KCND2: variants seen among roughly 807,000 people sequenced by gnomAD.
KCND2 encodes the protein A-type voltage-gated potassium channel KCND2.
In KCND2, 16 loss-of-function variants were observed where a neutral mutation model predicts 54.4. That is an observed-to-expected ratio of 0.29 (90% CI 0.20 to 0.45). The LOEUF (loss-of-function observed/expected upper bound fraction) is 0.45, where lower values mean the gene tolerates loss of function less well. Ranked by LOEUF, KCND2 falls within the 20% of genes least tolerant of loss-of-function variation. The probability of loss-of-function intolerance (pLI) is 1.00; values close to 1 mark genes in which losing one functional copy is unlikely to be tolerated. For missense variants in KCND2, 486 were observed against 824.2 expected (o/e 0.59, Z 5.02); for synonymous variants, 317 against 310.7 (o/e 1.02, Z -0.21).
chr7:120,617,493 A>C (rs911751564), intron 1 of KCND2, among the ~76,000 whole-genome samples: 3 of 152,186 alleles, frequency 2.0e-5, no homozygotes, highest in Non-Finnish European at 4.4e-5. Context: ...AAAATAACAG[A>C]TGTTGGAGAG....
At chr7:120,620,372 C>A (rs1322140216) in intron 1 of KCND2, among the ~76,000 whole-genome samples, 1 of 152,032 alleles carries the variant, frequency 6.6e-6, no homozygotes, top group East Asian at 1.9e-4. Flanking sequence ...TTATCTTGTT[C>A]ACTGCTATAT....
intron 1 of KCND2, among the ~76,000 whole-genome samples, chr7:120,678,655 TAC>T (rs1200530130): frequency 1.4e-5 from 2 of 145,304 alleles, no homozygotes; most frequent in African/African-American, 2.5e-5. Context: ...TATATACACA[TAC>T]ACACACATAT....
intron 1 of KCND2, among the ~76,000 whole-genome samples, chr7:120,552,630 C>T (rs574312054): frequency 6.6e-6 from 1 of 152,286 alleles, no homozygotes; most frequent in Admixed American, 6.5e-5. Flanking sequence ...GCTTGTTCAT[C>T]GGGATTCCTC....
At chr7:120,359,715 C>G (rs1218667004) in intron 1 of KCND2, among the ~76,000 whole-genome samples, 2 of 152,044 alleles carry the variant, frequency 1.3e-5, no homozygotes, top group Non-Finnish European at 2.9e-5. Context: ...GGCTCTGTGT[C>G]CCCACCCAAA....
At chr7:120,589,331 C>T (rs1792641492) in intron 1 of KCND2, among the ~76,000 whole-genome samples, 1 of 151,958 alleles carries the variant, frequency 6.6e-6, no homozygotes, top group African/African-American at 2.4e-5. Flanking sequence ...AAAATTTAGG[C>T]CTAAAATTTA....
At chr7:120,323,191 C>T (rs1304842574) in intron 1 of KCND2, among the ~76,000 whole-genome samples, 1 of 152,090 alleles carries the variant, frequency 6.6e-6, no homozygotes, top group Admixed American at 6.6e-5. Context: ...GTTCTCCTAC[C>T]TGTGCCCTGT....
At chr7:120,374,220 A>AT (rs1227484379) in intron 1 of KCND2, among the ~76,000 whole-genome samples, 1 of 151,744 alleles carries the variant, frequency 6.6e-6, no homozygotes, top group Non-Finnish European at 1.5e-5. Flanking sequence ...TATTCACATG[A>AT]TTTTCATACT....
At chr7:120,394,022 T>C (rs1801115507) in intron 1 of KCND2, among the ~76,000 whole-genome samples, 1 of 152,062 alleles carries the variant, frequency 6.6e-6, no homozygotes, top group Admixed American at 6.6e-5. Context: ...GTATGTACCA[T>C]AATGAATTTA....
At chr7:120,586,185 A>G (rs1344837656) in intron 1 of KCND2, among the ~76,000 whole-genome samples, 1 of 151,838 alleles carries the variant, frequency 6.6e-6, no homozygotes, top group African/African-American at 2.4e-5. Flanking sequence ...ACACACACAA[A>G]CACACACACA....
intron 1 of KCND2, among the ~76,000 whole-genome samples, chr7:120,418,494 T>G (rs1801558917): frequency 6.6e-6 from 1 of 152,130 alleles, no homozygotes; most frequent in African/African-American, 2.4e-5. Flanking sequence ...GCTGTTCCAA[T>G]GGGTCTCAAA....
Position 120,622,715 on chromosome 7 carries a change from T to TCA in KCND2, c.1116-110167_1116-110166dup, listed in dbSNP as rs151116039. On this transcript the variant is annotated intron_variant, in intron 1 of 5. Transcript: ENST00000331113. ...CTCTCTCTCTCTCTCTCTCTCTCTC[T>TCA]CACACACACACACACACACACAAAC... Among the ~76,000 whole-genome samples the TCA allele has an allele frequency of 3.1e-3, 391 of 127,226 alleles. 2 individuals carry two copies. In the Middle Eastern group the frequency reaches 0.04, roughly 13 times the overall value. The allele number at this position is 127,226 out of a possible 152,430, so 83.5% of individuals were successfully genotyped here.
At chr7:120,441,481 T>G (rs892684104) in intron 1 of KCND2, among the ~76,000 whole-genome samples, 18 of 152,162 alleles carry the variant, frequency 1.2e-4, no homozygotes, top group African/African-American at 4.3e-4. Flanking sequence ...TTATTTTTAA[T>G]GCTGAGAATG....
intron 1 of KCND2, among the ~76,000 whole-genome samples, chr7:120,648,489 A>G (rs1026559012): frequency 6.6e-6 from 1 of 152,152 alleles, no homozygotes; most frequent in Non-Finnish European, 1.5e-5. Context: ...TTAGAAAACA[A>G]GAGTACAGTC....
chr7:120,365,000 T>C (rs1800646020), intron 1 of KCND2, among the ~76,000 whole-genome samples: 1 of 151,908 alleles, frequency 6.6e-6, no homozygotes. Flanking sequence ...AAAAGAAAAA[T>C]GTTAAAATAC....
At chr7:120,556,799 T>C (rs1792171662) in intron 1 of KCND2, among the ~76,000 whole-genome samples, 1 of 152,180 alleles carries the variant, frequency 6.6e-6, no homozygotes, top group African/African-American at 2.4e-5. Flanking sequence ...TTTACCTCTT[T>C]AAGAGACATG....
At chr7:120,620,702 G>A (rs1197255192) in intron 1 of KCND2, among the ~76,000 whole-genome samples, 1 of 152,116 alleles carries the variant, frequency 6.6e-6, no homozygotes, top group African/African-American at 2.4e-5. Flanking sequence ...ATGATACTAG[G>A]CAAGTAAAGA....
chr7:120,460,140 T>C (rs571771565), intron 1 of KCND2, among the ~76,000 whole-genome samples: 1 of 152,272 alleles, frequency 6.6e-6, no homozygotes, highest in African/African-American at 2.4e-5. Flanking sequence ...ACTTCCTCCA[T>C]AACTAAGCAT....
chr7:120,678,762 AT>A (rs1792103539), intron 1 of KCND2, among the ~76,000 whole-genome samples: 1 of 140,782 alleles, frequency 7.1e-6, no homozygotes, highest in African/African-American at 2.6e-5. Flanking sequence ...ATATATATAT[AT>A]ATATATATAT....
chr7:120,648,160 C>T (rs919494170), intron 1 of KCND2, among the ~76,000 whole-genome samples: 3 of 151,556 alleles, frequency 2.0e-5, no homozygotes, highest in South Asian at 2.1e-4. Flanking sequence ...TTTGTCCCCA[C>T]GGAGAGAGAT....
Sources: gnomAD v4.1 joint callset for allele counts (sites outside exome capture counted in the v4.1 genomes callset) on GRCh38, gnomAD v4.1.1 for gene constraint, MANE v1.5 for transcripts, NCBI Gene and HGNC (gene_info 2026-07-23, HGNC 2026-07-21) for gene names.